Variants in SPRED1 observed in about 807,000 individuals in gnomAD.
The protein encoded by SPRED1 is sprouty-related, EVH1 domain-containing protein 1.
A neutral mutation model predicts 52.3 loss-of-function variants in SPRED1; 18 were observed. The observed-to-expected ratio is 0.34, with a 90% confidence interval of 0.24 to 0.51. SPRED1 has a LOEUF of 0.51. Among genes scored for constraint, SPRED1 ranks in the 20% least tolerant of loss-of-function variants. The probability of loss-of-function intolerance (pLI) is 0.97; values close to 1 mark genes in which losing one functional copy is unlikely to be tolerated. For synonymous variants in SPRED1, 155 were observed against 179.7 expected (o/e 0.86, Z 1.10); for missense variants, 485 against 551.0 (o/e 0.88, Z 1.20).
At chr15:38,316,106 T>C (rs1217449328) in intron 2 of SPRED1, among the ~76,000 whole-genome samples, 1 of 152,046 alleles carries the variant, frequency 6.6e-6, no homozygotes, top group Non-Finnish European at 1.5e-5. Flanking sequence ...CATAGCTTAA[T>C]CATTTTATTT....
At chr15:38,339,702 C>G in intron 4 of SPRED1, 35 bp from the exon 5 acceptor site, 1 of 1,608,048 alleles carries the variant, frequency 6.2e-7, no homozygotes. Context: ...GGTTTTTATT[C>G]TGGCAACTAA....
At chr15:38,281,295 A>G (rs1242458803) in intron 1 of SPRED1, among the ~76,000 whole-genome samples, 1 of 152,198 alleles carries the variant, frequency 6.6e-6, no homozygotes, top group African/African-American at 2.4e-5. Context: ...GGAGAGTGAA[A>G]AGATTGATCA....
intron 1 of SPRED1, among the ~76,000 whole-genome samples, chr15:38,253,876 G>A (rs1162515544): frequency 1.3e-5 from 2 of 152,138 alleles, no homozygotes; most frequent in African/African-American, 4.8e-5. Context: ...GAAGAATTTT[G>A]AATGCTAATT....
chr15:38,271,869 A>C (rs1180393323), intron 1 of SPRED1, among the ~76,000 whole-genome samples: 1 of 152,182 alleles, frequency 6.6e-6, no homozygotes, highest in Non-Finnish European at 1.5e-5. Context: ...GGTAGTAAGC[A>C]TAGTACCCAA....
At chr15:38,275,220 C>T (rs1344599950) in intron 1 of SPRED1, among the ~76,000 whole-genome samples, 2 of 152,154 alleles carry the variant, frequency 1.3e-5, no homozygotes, top group African/African-American at 4.8e-5. Flanking sequence ...TATAATCCAT[C>T]ACTGTCATCA....
chr15:38,340,138 A>G (rs1031561073), intron 5 of SPRED1, among the ~76,000 whole-genome samples: 1 of 152,204 alleles, frequency 6.6e-6, no homozygotes, highest in Admixed American at 6.5e-5. Context: ...CATCACAAGC[A>G]TTCTTATTTT....
intron 1 of SPRED1, among the ~76,000 whole-genome samples, chr15:38,267,659 G>A (rs142930060): frequency 6.0e-4 from 92 of 152,224 alleles, no homozygotes; most frequent in Non-Finnish European, 1.1e-3. Context: ...CATGCATTTA[G>A]TCTTTATAAT....
chr15:38,265,611 G>C (rs1047223002), intron 1 of SPRED1, among the ~76,000 whole-genome samples: 2 of 151,750 alleles, frequency 1.3e-5, no homozygotes, highest in African/African-American at 2.4e-5. Flanking sequence ...CAAACAACTA[G>C]CTCTAAGTAG....
At position 38,353,607 on chromosome 15, in the gene SPRED1, G is replaced by A. The variant is rs1019678464; in HGVS notation, c.*1943G>A. The A allele has an allele frequency of 6.6e-6, 1 of 152,486 alleles. No homozygotes were observed. Among genetic ancestry groups the A allele is most frequent in the Non-Finnish European group, 1.5e-5 (1 of 67,944 alleles). The allele number at this position is 152,486 out of a possible 1,614,324, so 9.4% of individuals were successfully genotyped here. A position where few individuals can be genotyped will look rare whatever the true frequency, so the allele number is the denominator to read the frequency against. On this transcript the variant is annotated 3_prime_UTR_variant, in exon 7 of 7. Transcript: ENST00000299084. ...GCTACAACAGATGATCTTCATCCCT[G>A]AAGTTTTCAGCTAAACTTGGTTTCC...
At chr15:38,327,289 G>T (rs2140998466) in intron 4 of SPRED1, among the ~76,000 whole-genome samples, 1 of 152,272 alleles carries the variant, frequency 6.6e-6, no homozygotes, top group Non-Finnish European at 1.5e-5. Flanking sequence ...AATAATTGGT[G>T]TTCAAAGAGC....
At position 38,252,881 on chromosome 15, in the gene SPRED1, C is replaced by G; in HGVS notation, c.-305C>G. 1 of 495,398 alleles carries G rather than the reference C, an allele frequency of 2.0e-6. No homozygotes were observed. Among genetic ancestry groups the G allele is most frequent in the Non-Finnish European group, 3.7e-6 (1 of 271,174 alleles). 30.7% of individuals were successfully genotyped at this position (495,398 alleles called of 1,614,324 possible). A position where few individuals can be genotyped will look rare whatever the true frequency, so the allele number is the denominator to read the frequency against. Reference sequence around the variant, plus strand: ...CTGGAGGAGCAGCTCTCCAGTCAGCCTTTGCAGCCCCTCTCTTTTTCCCTT... The same window carrying G: ...CTGGAGGAGCAGCTCTCCAGTCAGCGTTTGCAGCCCCTCTCTTTTTCCCTT... On this transcript the variant is annotated 5_prime_UTR_variant, in exon 1 of 7. Coordinates refer to ENST00000299084, the MANE Select transcript of SPRED1 (RefSeq NM_152594.3).
intron 2 of SPRED1, among the ~76,000 whole-genome samples, chr15:38,314,349 G>C (rs1231586967): frequency 1.3e-5 from 2 of 151,788 alleles, no homozygotes; most frequent in Non-Finnish European, 3.0e-5. Context: ...TAATAAAAAT[G>C]TATGGATTAT....
chr15:38,296,603 T>C (rs1050297307), intron 1 of SPRED1, among the ~76,000 whole-genome samples: 1 of 152,202 alleles, frequency 6.6e-6, no homozygotes. Context: ...GAATTTTAGA[T>C]GATTTGGAAC....
At chr15:38,321,442 A>G (rs777762315) in intron 2 of SPRED1, among the ~76,000 whole-genome samples, 2 of 152,190 alleles carry the variant, frequency 1.3e-5, no homozygotes, top group Non-Finnish European at 2.9e-5. Flanking sequence ...TGTTTTACAG[A>G]TGAGTAAACT....
At chr15:38,306,325 G>C (rs933497114) in intron 2 of SPRED1, among the ~76,000 whole-genome samples, 3 of 152,114 alleles carry the variant, frequency 2.0e-5, no homozygotes, top group African/African-American at 2.4e-5. Context: ...AGATTATGTG[G>C]AGTAGAGAAT....
intron 1 of SPRED1, among the ~76,000 whole-genome samples, chr15:38,283,141 C>T (rs1894728347): frequency 6.6e-6 from 1 of 152,112 alleles, no homozygotes; most frequent in Non-Finnish European, 1.5e-5. Context: ...CCACGGGAAA[C>T]TTACAGTCAT....
intron 4 of SPRED1, among the ~76,000 whole-genome samples, chr15:38,338,038 TAAA>T (rs66632536): frequency 2.3e-5 from 2 of 88,878 alleles, no homozygotes; most frequent in East Asian, 3.4e-4. Flanking sequence ...CCATTGCTAC[TAAA>T]AAAAAAAAAA....
chr15:38,270,957 A>G (rs535410317), intron 1 of SPRED1, among the ~76,000 whole-genome samples: 49 of 152,210 alleles, frequency 3.2e-4, no homozygotes, highest in African/African-American at 1.0e-3. Flanking sequence ...CATCTTTATG[A>G]TCTGCTAGAT....
chr15:38,310,115 T>TTGTGTGTGTGTGTGTGTGTGTGTG (rs767218956), intron 2 of SPRED1, among the ~76,000 whole-genome samples: 5 of 23,188 alleles, frequency 2.2e-4, no homozygotes, highest in Non-Finnish European at 5.8e-4. Context: ...AGACTATTCT[T>TTGTGTGTGTGTGTGTGTGTGTGTG]TGTGTGTGTG....
Sources: gnomAD v4.1 joint callset for allele counts (sites outside exome capture counted in the v4.1 genomes callset) on GRCh38, gnomAD v4.1.1 for gene constraint, MANE v1.5 for transcripts, NCBI Gene and HGNC (gene_info 2026-07-23, HGNC 2026-07-21) for gene names.